The following AHSA1 variants were observed in gnomAD, a reference collection of about 807,000 sequenced individuals.
AHSA1 encodes activator of HSP90 ATPase activity 1.
AHSA1 carries 14 observed loss-of-function variants against 46.1 expected under a neutral mutation model. The ratio of observed to expected loss-of-function variants is 0.30; its 90% CI spans 0.20 to 0.47. The LOEUF is 0.47. AHSA1 is among the 20% of genes least tolerant of loss of function. The probability of loss-of-function intolerance (pLI) is 0.99; values close to 1 mark genes in which losing one functional copy is unlikely to be tolerated. For synonymous variants in AHSA1, 147 were observed against 145.8 expected, an observed-to-expected ratio of 1.01 and a Z score of -0.06; for missense variants, 333 against 415.9, an observed-to-expected ratio of 0.80 and a Z score of 1.73.
chr14:77,468,707 T>G, intron 8 of AHSA1, 199 bp downstream of exon 8: 1 of 505,038 alleles, frequency 2.0e-6, no homozygotes. Flanking sequence ...AGACTACGTG[T>G]GCCACCATGC....
intron 2 of AHSA1, among the ~76,000 whole-genome samples, chr14:77,461,716 G>T (rs996962629): frequency 6.6e-6 from 1 of 152,228 alleles, no homozygotes; most frequent in Non-Finnish European, 1.5e-5. Context: ...TATGTATCCT[G>T]TGTAGCTGGG....
In AHSA1 at chr14:77,469,184, G is replaced by C. The variant is rs1417505834; in HGVS notation, c.952G>C (p.Gly318Arg). 6.2e-7 allele frequency: 1 copy of C among 1,614,090 alleles called. No homozygotes were observed. Among genetic ancestry groups the C allele is most frequent in the Non-Finnish European group, 8.5e-7 (1 of 1,180,022 alleles). ...PAPEEERTRQ[G>R]WQRYYFEGIK... ...TCCTGAGGAAGAGCGGACGCGACAGGGCTGGCAGCGGTACTACTTTGAGGG... is the reference window on the plus strand; with the variant it reads ...TCCTGAGGAAGAGCGGACGCGACAGCGCTGGCAGCGGTACTACTTTGAGGG... Residue 318 changes from glycine (G) to arginine (R), a missense_variant, in exon 9 of 9, where the codon GGC becomes CGC. Gly to Arg is a moderately radical substitution (Grantham distance 125). Coordinates refer to ENST00000216479, the MANE Select transcript of AHSA1 (RefSeq NM_012111.3).
intron 7 of AHSA1, 136 bp from the exon 8 acceptor site, chr14:77,468,321 G>C: frequency 8.7e-7 from 1 of 1,149,818 alleles, no homozygotes; most frequent in Non-Finnish European, 1.3e-6. Context: ...TCAAAAAAAG[G>C]CTGTGATTTG....
At chr14:77,460,599 C>T (rs889888853) in intron 2 of AHSA1, among the ~76,000 whole-genome samples, 1 of 147,968 alleles carries the variant, frequency 6.8e-6, no homozygotes, top group Non-Finnish European at 1.5e-5. Context: ...CAGAGTTTTG[C>T]TCGTCACCCA....
At chr14:77,463,648 C>T (rs74780795) in intron 4 of AHSA1, among the ~76,000 whole-genome samples, 4,769 of 151,084 alleles carry the variant, frequency 0.032, 253 homozygotes, top group African/African-American at 0.11. Context: ...TAATGGACAG[C>T]GCTAATCTAA....
chr14:77,462,258 C>G lies in AHSA1; in HGVS notation c.354+16C>G, dbSNP rs1278254612. On this transcript the variant is annotated intron_variant, in intron 3 of 8. Transcript: ENST00000216479. ...TGAAGTGGAGGTTTGTGCTTCATAACTCCTAATCCGAGTCCTCTATATCCT... is the reference window on the plus strand; with the variant it reads ...TGAAGTGGAGGTTTGTGCTTCATAAGTCCTAATCCGAGTCCTCTATATCCT... 3.7e-6 allele frequency: 6 copies of G among 1,605,410 alleles called. No homozygotes were observed. Among genetic ancestry groups the G allele is most frequent in the Non-Finnish European group, 5.1e-6 (6 of 1,172,150 alleles).
At chr14:77,468,051 CTTTT>C (rs34989956) in intron 6 of AHSA1, 28 bp from the exon 7 acceptor site, 2,829 of 679,692 alleles carry the variant, frequency 4.2e-3, no homozygotes, top group Middle Eastern at 5.7e-3. Context: ...TCTTCTGCCT[CTTTT>C]TTTTTTTTTT....
chr14:77,461,547 G>A (rs1406524799), intron 2 of AHSA1, among the ~76,000 whole-genome samples: 1 of 152,132 alleles, frequency 6.6e-6, no homozygotes, highest in Non-Finnish European at 1.5e-5. Flanking sequence ...GAAAAGGTGG[G>A]CATCAGAAGG....
chr14:77,465,247 T>G (rs972373599), intron 5 of AHSA1, among the ~76,000 whole-genome samples: 6 of 152,212 alleles, frequency 3.9e-5, no homozygotes, highest in Admixed American at 1.3e-4. Flanking sequence ...AGAAATTGTT[T>G]GAGAATTACA....
intron 6 of AHSA1, among the ~76,000 whole-genome samples, chr14:77,466,628 G>T (rs2079049006): frequency 6.6e-6 from 1 of 152,220 alleles, no homozygotes; most frequent in African/African-American, 2.4e-5. Context: ...CTCGTGATAA[G>T]TTCTCTCCCC....
chr14:77,460,628 C>T (rs1365238310), intron 2 of AHSA1, among the ~76,000 whole-genome samples: 1 of 150,362 alleles, frequency 6.7e-6, no homozygotes, highest in African/African-American at 2.5e-5. Context: ...TGCAGTGGCA[C>T]GATCTTGGCT....
At position 77,463,538 on chromosome 14, in the gene AHSA1, A is replaced by G. The variant is rs1031160283; in HGVS notation, c.472+779A>G. On this transcript the variant is annotated intron_variant, in intron 4 of 8. Transcript: ENST00000216479. ...GAGGTAAAGGTTGCGGTGAGCCAAG[A>G]ACGCGCCATTGCACTCCAGCCTGGG... 2.0e-5 allele frequency among the ~76,000 whole-genome samples: 3 copies of G among 148,502 alleles called. No homozygotes were observed. The Admixed American group carries it at 2.1e-4, about 10-fold the overall frequency.
At chr14:77,464,792 C>T (rs2079040962) in intron 5 of AHSA1, 106 bp downstream of exon 5, 3 of 946,610 alleles carry the variant, frequency 3.2e-6, no homozygotes, top group Non-Finnish European at 4.7e-6. Flanking sequence ...TAAGCCAGAC[C>T]AGCCTGCGAT....
At chr14:77,462,583 A>G in intron 3 of AHSA1, 59 bp from the exon 4 acceptor site, 11 of 1,499,974 alleles carry the variant, frequency 7.3e-6, no homozygotes, top group Non-Finnish European at 1.0e-5. Context: ...CAGCCCCCAC[A>G]TTCCATAATG....
At chr14:77,467,971 G>A in intron 6 of AHSA1, 112 bp from the exon 7 acceptor site, 2 of 721,786 alleles carry the variant, frequency 2.8e-6, no homozygotes, top group Non-Finnish European at 4.4e-6. Flanking sequence ...GGGCAGACTG[G>A]TGGAAATGAG....
At chr14:77,463,865 G>A (rs2079036828) in intron 4 of AHSA1, among the ~76,000 whole-genome samples, 1 of 152,164 alleles carries the variant, frequency 6.6e-6, no homozygotes, top group Non-Finnish European at 1.5e-5. Context: ...ACCTTTTTGG[G>A]GAGGACCAGT....
At chr14:77,461,944 A>G (rs1215510469) in intron 2 of AHSA1, among the ~76,000 whole-genome samples, 14 of 152,238 alleles carry the variant, frequency 9.2e-5, no homozygotes. Flanking sequence ...TTTGTCTCAC[A>G]TTGTAATAAC....
In AHSA1 at chr14:77,464,589, T is replaced by C. The variant is rs535210725; in HGVS notation, c.473-9T>C. 9 of 1,608,706 alleles carry C rather than the reference T, an allele frequency of 5.6e-6. No individual in the cohort carries two copies. Among genetic ancestry groups the C allele is most frequent in the African/African-American group, 2.7e-5 (2 of 74,702 alleles). On this transcript the variant is annotated splice_polypyrimidine_tract_variant and intron_variant, in intron 4 of 8. Transcript: ENST00000216479. ...GTAACTTCCATGAGCTGGAATTTTA[T>C]CTTTTCAGAGTTCACCCAGGGCATG...
At chr14:77,462,894 C>T (rs1356683572) in intron 4 of AHSA1, 135 bp downstream of exon 4, 2 of 726,472 alleles carry the variant, frequency 2.8e-6, no homozygotes, top group African/African-American at 3.5e-5. Flanking sequence ...ATCTTAAAGT[C>T]AGTCCATAAG....
Sources: gnomAD v4.1 joint callset for allele counts (sites outside exome capture counted in the v4.1 genomes callset) on GRCh38, gnomAD v4.1.1 for gene constraint, MANE v1.5 for transcripts, NCBI Gene and HGNC (gene_info 2026-07-23, HGNC 2026-07-21) for gene names.